Variants in CSMD1 observed in about 807,000 individuals in gnomAD.
CSMD1 encodes the protein CUB and Sushi multiple domains 1, also known as CUB and sushi domain-containing protein 1.
A neutral mutation model predicts 417.5 loss-of-function variants in CSMD1; 213 were observed. The ratio of observed to expected loss-of-function variants is 0.51; its 90% CI spans 0.46 to 0.57. The LOEUF (loss-of-function observed/expected upper bound fraction) is 0.57. CSMD1 is among the 20% of genes least tolerant of loss of function. CSMD1 has a pLI of 0.00. For missense variants in CSMD1, 6,923 were observed against 4,529.7 expected (o/e 1.53, Z -15.17); for synonymous variants, 2,862 against 1,736.8 (o/e 1.65, Z -16.11).
intron 1 of CSMD1, among the ~76,000 whole-genome samples, chr8:4,846,558 T>C (rs1380431863): frequency 6.6e-6 from 1 of 152,188 alleles, no homozygotes; most frequent in Non-Finnish European, 1.5e-5. Flanking sequence ...AAGATTCTGC[T>C]TTAAACTCAT....
intron 3 of CSMD1, among the ~76,000 whole-genome samples, chr8:4,252,867 G>GAA (rs1262953375): frequency 6.6e-6 from 1 of 152,204 alleles, no homozygotes; most frequent in Non-Finnish European, 1.5e-5. Context: ...GACCATGAGT[G>GAA]AAAGGCAAAG....
intron 5 of CSMD1, among the ~76,000 whole-genome samples, chr8:3,793,414 G>A (rs776289306): frequency 2.0e-5 from 3 of 151,966 alleles, no homozygotes; most frequent in Non-Finnish European, 4.4e-5. Flanking sequence ...CTACTTTCAA[G>A]AATGTTGCCA....
intron 5 of CSMD1, among the ~76,000 whole-genome samples, chr8:3,945,667 G>C (rs573551895): frequency 6.6e-6 from 1 of 152,128 alleles, no homozygotes; most frequent in East Asian, 1.9e-4. Context: ...TTTTACTTAG[G>C]TGAAATGACG....
chr8:3,886,829 C>G (rs151150716), intron 5 of CSMD1, among the ~76,000 whole-genome samples: 5 of 152,256 alleles, frequency 3.3e-5, no homozygotes, highest in South Asian at 2.1e-4. Context: ...GATTTGAACA[C>G]AGATCTAATT....
intron 8 of CSMD1, among the ~76,000 whole-genome samples, chr8:3,611,262 G>T (rs1801879802): frequency 6.9e-6 from 1 of 145,820 alleles, no homozygotes. Context: ...AAAAAAAAAA[G>T]AAAGTCCTTG....
chr8:3,278,884 A>G (rs1311899145), intron 26 of CSMD1: 4 of 152,202 alleles, frequency 2.6e-5, no homozygotes, highest in South Asian at 2.1e-4. Context: ...TGAGAGGGAC[A>G]TAACAGCCCA....
chr8:3,230,309 G>A, intron 26 of CSMD1, 78 bp from the exon 27 acceptor site: 1 of 1,189,108 alleles, frequency 8.4e-7, no homozygotes, highest in Non-Finnish European at 1.2e-6. Context: ...TTGTTCTTGT[G>A]GGTTGAAGCA....
intron 2 of CSMD1, among the ~76,000 whole-genome samples, chr8:4,492,129 C>T (rs140632469): frequency 3.2e-4 from 49 of 152,256 alleles, no homozygotes; most frequent in African/African-American, 1.0e-3. Context: ...CAGGGTCTTA[C>T]GCTATTGTCC....
intron 65 of CSMD1, among the ~76,000 whole-genome samples, chr8:2,951,728 C>G (rs894291219): frequency 6.6e-6 from 1 of 152,130 alleles, no homozygotes; most frequent in Non-Finnish European, 1.5e-5. Flanking sequence ...AATACGAGAG[C>G]AATGCCCTGT....
intron 5 of CSMD1, among the ~76,000 whole-genome samples, chr8:3,967,960 G>C (rs901250061): frequency 7.0e-6 from 1 of 142,398 alleles, no homozygotes; most frequent in Non-Finnish European, 1.5e-5. Context: ...GAGGTCAGGA[G>C]ATCGAGACCA....
chr8:3,538,314 G>A (rs970511680), intron 10 of CSMD1, among the ~76,000 whole-genome samples: 3 of 152,128 alleles, frequency 2.0e-5, no homozygotes, highest in Non-Finnish European at 4.4e-5. Flanking sequence ...TGGTACACGT[G>A]CGATGCCTCA....
intron 1 of CSMD1, among the ~76,000 whole-genome samples, chr8:4,876,192 C>T (rs1336441609): frequency 6.6e-6 from 1 of 151,964 alleles, no homozygotes; most frequent in Non-Finnish European, 1.5e-5. Context: ...ATAAATTTAC[C>T]TAAATATGTA....
intron 2 of CSMD1, among the ~76,000 whole-genome samples, chr8:4,540,516 C>A (rs1585224265): frequency 2.0e-5 from 3 of 152,058 alleles, no homozygotes; most frequent in East Asian, 3.9e-4. Context: ...CCAGCCTGGG[C>A]AACAGAGCGA....
chr8:3,472,641 T>C (rs1274515001), intron 11 of CSMD1, among the ~76,000 whole-genome samples: 15 of 152,158 alleles, frequency 9.9e-5, no homozygotes. Flanking sequence ...GCCACATTTT[T>C]TTCCTGAATT....
intron 7 of CSMD1, among the ~76,000 whole-genome samples, chr8:3,655,765 G>C (rs1013629419): frequency 4.6e-5 from 7 of 151,698 alleles, no homozygotes; most frequent in Admixed American, 3.9e-4. Flanking sequence ...AGCTACGGCT[G>C]TAGGAGGCAG....
At chr8:4,646,274 A>C (rs149170147) in intron 1 of CSMD1, among the ~76,000 whole-genome samples, 1 of 152,088 alleles carries the variant, frequency 6.6e-6, no homozygotes, top group African/African-American at 2.4e-5. Flanking sequence ...TATGTCAGGT[A>C]TTTATTTATC....
intron 69 of CSMD1, among the ~76,000 whole-genome samples, 175 bp downstream of exon 69, chr8:2,942,297 G>A (rs549006953): frequency 6.6e-6 from 1 of 151,386 alleles, no homozygotes; most frequent in Non-Finnish European, 1.5e-5. Context: ...TAACAAACCT[G>A]CACATCCGGC....
chr8:4,021,282 T>C (rs1444979427), intron 4 of CSMD1, among the ~76,000 whole-genome samples: 5 of 152,220 alleles, frequency 3.3e-5, no homozygotes, highest in African/African-American at 7.2e-5. Flanking sequence ...GCATTAAAAT[T>C]ATAATCCTTT....
At position 4,521,946 on chromosome 8, in the gene CSMD1, G is replaced by A. The variant is rs116646861; in HGVS notation, c.303-101881C>T. ...TGTGTACATTTTAAGGGATCATTAT[G>A]AAAGTTCCCAGATAGCCTGCCTTTT... On this transcript the variant is annotated intron_variant, in intron 2 of 69. Transcript: ENST00000635120. Among the ~76,000 whole-genome samples the A allele has an allele frequency of 4.0e-3, 602 of 152,312 alleles. 3 individuals carry two copies. The highest frequency in any genetic ancestry group is 0.014 in the African/African-American group (578 of 41,564).
Sources: allele counts gnomAD v4.1 joint callset (sites outside exome capture counted in the v4.1 genomes callset), GRCh38; gene constraint gnomAD v4.1.1; transcripts MANE v1.5; gene names NCBI Gene and HGNC (gene_info 2026-07-23, HGNC 2026-07-21).